Variants in RASSF8 observed in about 807,000 individuals in gnomAD.
RASSF8 encodes the protein Ras association domain family member 8.
A neutral mutation model predicts 48.5 loss-of-function variants in RASSF8; 22 were observed. That is an observed-to-expected ratio of 0.45 (90% CI 0.32 to 0.65). The LOEUF (loss-of-function observed/expected upper bound fraction) is 0.65, where lower values mean the gene tolerates loss of function less well. RASSF8 is among the 30% of genes least tolerant of loss of function. RASSF8 has a pLI of 0.03. For synonymous variants in RASSF8, 127 were observed against 171.5 expected (o/e 0.74, Z 2.03); for missense variants, 418 against 489.2 (o/e 0.85, Z 1.37).
At chr12:26,058,538 GCACACACACACACACA>G (rs61465811) in intron 3 of RASSF8, among the ~76,000 whole-genome samples, 3 of 148,998 alleles carry the variant, frequency 2.0e-5, no homozygotes, top group Non-Finnish European at 3.0e-5. Flanking sequence ...ACGCGCGCGC[GCACACACACACACACA>G]CACACACAGA....
chr12:26,001,960 C>T (rs1341377391), intron 2 of RASSF8, among the ~76,000 whole-genome samples: 1 of 152,180 alleles, frequency 6.6e-6, no homozygotes, highest in Admixed American at 6.5e-5. Context: ...AGCATCAGCA[C>T]AGACACTTGA....
chr12:26,024,954 G>A (rs183599776), intron 2 of RASSF8, among the ~76,000 whole-genome samples: 28 of 151,488 alleles, frequency 1.8e-4, no homozygotes, highest in Admixed American at 7.2e-4. Context: ...GCGAGACTCC[G>A]TCTCAAAAAA....
At chr12:26,028,374 A>G (rs184758929) in intron 2 of RASSF8, among the ~76,000 whole-genome samples, 5 of 152,348 alleles carry the variant, frequency 3.3e-5, no homozygotes, top group African/African-American at 1.2e-4. Flanking sequence ...GGAATGTGAG[A>G]CAATGAATTC....
chr12:26,067,812 TG>T (rs1373113050), intron 5 of RASSF8, 99 bp downstream of exon 5: 8 of 1,473,934 alleles, frequency 5.4e-6, no homozygotes, highest in Admixed American at 1.8e-5. Context: ...TCGCCCAGGC[TG>T]GAATGCCAGG....
chr12:25,968,757 T>C (rs1310292874), intron 1 of RASSF8, among the ~76,000 whole-genome samples: 1 of 152,184 alleles, frequency 6.6e-6, no homozygotes, highest in African/African-American at 2.4e-5. Context: ...GAGAGCACAC[T>C]GTACTAGGGG....
intron 2 of RASSF8, among the ~76,000 whole-genome samples, chr12:26,040,791 A>G (rs1373207116): frequency 6.6e-6 from 1 of 152,182 alleles, no homozygotes; most frequent in Non-Finnish European, 1.5e-5. Context: ...ATATTCATAT[A>G]GGACTAACAT....
chr12:26,064,403 A>C (rs763268605), intron 3 of RASSF8, 95 bp from the exon 4 acceptor site: 4 of 1,267,860 alleles, frequency 3.2e-6, no homozygotes, highest in African/African-American at 1.5e-5. Flanking sequence ...TCTGATGCTA[A>C]TCGAAAATAC....
intron 1 of RASSF8, among the ~76,000 whole-genome samples, chr12:25,990,910 TAC>T (rs143406226): frequency 3.3e-5 from 5 of 151,432 alleles, no homozygotes; most frequent in Admixed American, 2.0e-4. Context: ...CCTAAAAAAA[TAC>T]ACACACACAC....
chr12:25,977,783 A>G (rs866010133), intron 1 of RASSF8, among the ~76,000 whole-genome samples: 3 of 152,182 alleles, frequency 2.0e-5, no homozygotes, highest in Non-Finnish European at 4.4e-5. Context: ...TAAGGCAGCT[A>G]CAGTAAGGGC....
chr12:25,987,188 C>G (rs142353026), intron 1 of RASSF8, among the ~76,000 whole-genome samples: 2,328 of 152,276 alleles, frequency 0.015, 40 homozygotes, highest in Non-Finnish European at 0.022. Flanking sequence ...CCTGCCTCGG[C>G]CTCCCAAAGT....
downstream of RASSF8, among the ~76,000 whole-genome samples, chr12:26,077,569 T>C (rs1195482125): frequency 6.6e-6 from 1 of 152,164 alleles, no homozygotes; most frequent in Admixed American, 6.5e-5. Context: ...GATCAGATGG[T>C]TGTAGATGTG....
intron 1 of RASSF8, among the ~76,000 whole-genome samples, chr12:25,961,247 A>G (rs954109541): frequency 6.6e-5 from 10 of 152,192 alleles, no homozygotes; most frequent in African/African-American, 2.4e-4. Flanking sequence ...TCTTTTTCTT[A>G]TGGTTAATTC....
At chr12:26,011,261 A>G (rs958397415) in intron 2 of RASSF8, among the ~76,000 whole-genome samples, 16 of 148,026 alleles carry the variant, frequency 1.1e-4, no homozygotes, top group African/African-American at 3.9e-4. Context: ...TCATGTGTCC[A>G]TGGAAAGAAA....
At chr12:25,961,625 A>C (rs1309833021) in intron 1 of RASSF8, among the ~76,000 whole-genome samples, 2 of 152,148 alleles carry the variant, frequency 1.3e-5, no homozygotes, top group Admixed American at 6.5e-5. Context: ...TCTGTGATCT[A>C]CAGTTGCATT....
chr12:26,006,739 C>T (rs576341234), intron 2 of RASSF8, among the ~76,000 whole-genome samples: 150 of 152,224 alleles, frequency 9.9e-4, no homozygotes, highest in Admixed American at 1.8e-3. Flanking sequence ...ACTCATGGTG[C>T]GTGCTCAGAG....
intron 2 of RASSF8, among the ~76,000 whole-genome samples, chr12:26,046,060 C>T (rs577432433): frequency 1.9e-3 from 282 of 152,244 alleles, no homozygotes; most frequent in African/African-American, 6.6e-3. Context: ...AGCTCTATTC[C>T]TGCTTTACTG....
chr12:26,064,419 C>T, intron 3 of RASSF8, 79 bp from the exon 4 acceptor site: 1 of 1,335,214 alleles, frequency 7.5e-7, no homozygotes, highest in South Asian at 1.6e-5. Flanking sequence ...AATACACAAT[C>T]ATCAAATGGC....
At chr12:25,970,154 TCA>T (rs772601357) in intron 1 of RASSF8, among the ~76,000 whole-genome samples, 6 of 152,026 alleles carry the variant, frequency 3.9e-5, no homozygotes, top group Non-Finnish European at 7.4e-5. Context: ...TGAAAGGAGT[TCA>T]CATCCTAAGA....
chr12:26,066,132 C>G (rs536957436), intron 4 of RASSF8, among the ~76,000 whole-genome samples: 1 of 152,160 alleles, frequency 6.6e-6, no homozygotes, highest in Non-Finnish European at 1.5e-5. Flanking sequence ...ATTTAAAATT[C>G]TGTTTTTAGT....
Sources: gnomAD v4.1 joint callset for allele counts (sites outside exome capture counted in the v4.1 genomes callset) on GRCh38, gnomAD v4.1.1 for gene constraint, MANE v1.5 for transcripts, NCBI Gene and HGNC (gene_info 2026-07-23, HGNC 2026-07-21) for gene names.